The following MOB3A variants were observed in gnomAD, a reference collection of about 807,000 sequenced individuals.
The protein encoded by MOB3A is MOB LAK.
In MOB3A, 17 loss-of-function variants were observed where a neutral mutation model predicts 17.8. The observed-to-expected ratio is 0.95, with a 90% CI of 0.65 to 1.43. MOB3A has a LOEUF of 1.43. Ranked by LOEUF, MOB3A falls within the 40% of genes most tolerant of loss-of-function variation. The pLI is 0.00. For synonymous variants in MOB3A, 124 were observed against 133.2 expected (o/e 0.93, Z 0.48); for missense variants, 333 against 310.8 (o/e 1.07, Z -0.54).
chr19:2,090,319 T>C (rs1189013847), intron 1 of MOB3A: 1 of 152,256 alleles, frequency 6.6e-6, no homozygotes, highest in African/African-American at 2.4e-5. Context: ...TTCTTCTCAT[T>C]TGCCTCGTGG....
chr19:2,089,203 C>T (rs1293778721), intron 1 of MOB3A, among the ~76,000 whole-genome samples: 1 of 152,190 alleles, frequency 6.6e-6, no homozygotes, highest in African/African-American at 2.4e-5. Flanking sequence ...GACCTGCTCT[C>T]GTGAAACTCA....
intron 4 of MOB3A, among the ~76,000 whole-genome samples, 195 bp downstream of exon 4, chr19:2,076,616 T>C (rs538742005): frequency 9.2e-5 from 14 of 152,262 alleles, no homozygotes; most frequent in South Asian, 6.2e-4. Context: ...ATTTGTTCCG[T>C]GGGAGAACGC....
At chr19:2,077,127 G>A (rs540558693) in intron 3 of MOB3A, 114 bp from the exon 4 acceptor site, 9 of 910,682 alleles carry the variant, frequency 9.9e-6, no homozygotes, top group East Asian at 5.3e-5. Flanking sequence ...CAGATCGGGC[G>A]CGGTGGCTGA....
intron 1 of MOB3A, among the ~76,000 whole-genome samples, chr19:2,089,148 T>C (rs767893899): frequency 7.9e-5 from 12 of 152,156 alleles, no homozygotes; most frequent in Non-Finnish European, 1.6e-4. Context: ...GGTGGACCTT[T>C]GCTGTCATTA....
chr19:2,071,686 T>C lies in MOB3A; in HGVS notation c.*1709A>G, dbSNP rs571271517. ...TAGGGTACACAGAACTCATGGATTT[T>C]GGTCTCGCAGCCCCAGGGGCCACAC... On this transcript the variant is annotated 3_prime_UTR_variant, in exon 5 of 5. Transcript: ENST00000357066. The C allele has an allele frequency of 1.3e-5, 2 of 152,408 alleles. No individual in the cohort carries two copies. The highest frequency in any genetic ancestry group is 4.8e-5 in the African/African-American group (2 of 41,568). The allele number at this position is 152,408 out of a possible 1,614,324, so 9.4% of individuals were successfully genotyped here.
intron 2 of MOB3A, chr19:2,084,218 C>T (rs747591451): frequency 4.1e-5 from 19 of 462,728 alleles, no homozygotes; most frequent in South Asian, 1.1e-4. Context: ...GGGTGCCAGG[C>T]GAGGTGGCTC....
chr19:2,086,734 G>A (rs1417863523), intron 1 of MOB3A, among the ~76,000 whole-genome samples: 1 of 152,128 alleles, frequency 6.6e-6, no homozygotes, highest in African/African-American at 2.4e-5. Flanking sequence ...GGATGGCTGC[G>A]TCTTCCCTGA....
intron 2 of MOB3A, chr19:2,083,992 G>GAACTCCTGGTCTCA (rs1208862275): frequency 6.1e-6 from 2 of 327,026 alleles, no homozygotes; most frequent in Non-Finnish European, 1.3e-5. Context: ...GGCTGGTCTT[G>GAACTCCTGGTCTCA]AACTCCTGGT....
Position 2,078,673 on chromosome 19 carries a change from C to T in MOB3A, c.-113G>A, listed in dbSNP as rs1002273531. 1.9e-6 allele frequency: 2 copies of T among 1,079,064 alleles called. No individual in the cohort carries two copies. Among genetic ancestry groups the T allele is most frequent in the Non-Finnish European group, 2.6e-6 (2 of 761,424 alleles). 66.8% of individuals were successfully genotyped at this position (1,079,064 alleles called of 1,614,324 possible). A position where few individuals can be genotyped will look rare whatever the true frequency, so the allele number is the denominator to read the frequency against. On this transcript the variant is annotated 5_prime_UTR_variant, in exon 3 of 5. Coordinates refer to ENST00000357066, the MANE Select transcript of MOB3A (RefSeq NM_130807.3). Reference sequence around the variant, plus strand: ...CACTCACCAAGCCCCACAGCTCTCCCGCGGACCTGAAATACACAGGGGAAT... The same window carrying T: ...CACTCACCAAGCCCCACAGCTCTCCTGCGGACCTGAAATACACAGGGGAAT...
In MOB3A at chr19:2,078,360, G is replaced by C. The variant is rs745857478; in HGVS notation, c.201C>G (p.Asp67Glu). Residue 67 changes from aspartate to glutamate, a missense_variant, in exon 3 of 5, where the codon GAC becomes GAG. By Grantham distance (45) the Asp-to-Glu change is conservative. Coordinates refer to ENST00000357066, the MANE Select transcript of MOB3A (RefSeq NM_130807.3). ...LNDWVAVHVV[D>E]FFNRVNLIYG... ...AGATGAGGTTGACGCGGTTAAAGAA[G>C]TCCACCACGTGAACAGCCACCCAGT... The C allele has an allele frequency of 3.7e-6, 6 of 1,614,204 alleles. No homozygotes were observed. The highest frequency in any genetic ancestry group is 4.2e-6 in the Non-Finnish European group (5 of 1,180,030).
chr19:2,094,370 C>G (rs535248748), intron 1 of MOB3A, among the ~76,000 whole-genome samples: 3 of 152,198 alleles, frequency 2.0e-5, no homozygotes, highest in Non-Finnish European at 4.4e-5. Context: ...TCTGAAACAA[C>G]CAGCAAACCA....
Position 2,076,796 on chromosome 19 carries a change from C to T in MOB3A, c.624+15G>A. On this transcript the variant is annotated intron_variant, in intron 4 of 4. Coordinates refer to ENST00000357066, the MANE Select transcript of MOB3A (RefSeq NM_130807.3). ...CCCACCGTAACCGCACGCCCTCAGCCCCAAGCCCGCGCACCAGTGGCTCCA... is the reference window on the plus strand; with the variant it reads ...CCCACCGTAACCGCACGCCCTCAGCTCCAAGCCCGCGCACCAGTGGCTCCA... The T allele has an allele frequency of 3.1e-6, 5 of 1,612,552 alleles. No homozygotes were observed. Among genetic ancestry groups the T allele is most frequent in the Non-Finnish European group, 4.2e-6 (5 of 1,179,736 alleles).
chr19:2,085,792 GT>G (rs1568255694), intron 1 of MOB3A: 1 of 151,652 alleles, frequency 6.6e-6, no homozygotes. Context: ...GGTGAAACTC[GT>G]CTCTACTAAA....
chr19:2,090,380 C>G (rs977440214), intron 1 of MOB3A, among the ~76,000 whole-genome samples: 2 of 152,206 alleles, frequency 1.3e-5, no homozygotes, highest in Non-Finnish European at 2.9e-5. Context: ...CTGCCCCCTG[C>G]CCCCACAGGC....
At position 2,076,895 on chromosome 19, in the gene MOB3A, C is replaced by T. The variant is rs2017416837; in HGVS notation, c.540G>A (p.Glu180=). The part of the protein sequence containing the change: ...HFDRIAQMGS[E]AHVNTCYKHF... ...GCTTGTAGCAGGTGTTCACGTGGGCCTCGGAGCCCATCTGCGCGATGCGGT... is the reference window on the plus strand; with the variant it reads ...GCTTGTAGCAGGTGTTCACGTGGGCTTCGGAGCCCATCTGCGCGATGCGGT... The change falls in exon 4 of 5, where the codon GAG becomes GAA. Residue 180 remains glutamate (E), a synonymous_variant. Transcript: ENST00000357066. 1 of 1,613,976 alleles carries T rather than the reference C, an allele frequency of 6.2e-7. No homozygotes were observed. Among genetic ancestry groups the T allele is most frequent in the South Asian group, 1.1e-5 (1 of 91,088 alleles).
Position 2,082,124 on chromosome 19 carries a change from G to A in MOB3A, c.-120+3051C>T, listed in dbSNP as rs1462101783. Among the ~76,000 whole-genome samples, 1 of 152,204 alleles carries A rather than the reference G, an allele frequency of 6.6e-6. No homozygotes were observed. Among genetic ancestry groups the A allele is most frequent in the Non-Finnish European group, 1.5e-5 (1 of 68,034 alleles). ...CATCCTGGGGCCCTTAGCCACCATC[G>A]TCACTTCCTGCCACCAGGGTTAACA... On this transcript the variant is annotated intron_variant, in intron 2 of 4. Transcript: ENST00000357066. This position sits in a 1 kb window ranked among gnomAD's most constrained non-coding sequence, Gnocchi z 4.1.
intron 1 of MOB3A, 29 bp downstream of exon 1, chr19:2,096,197 G>A: frequency 6.5e-6 from 1 of 153,816 alleles, no homozygotes; most frequent in South Asian, 1.8e-4. Flanking sequence ...CGCCTCTGCC[G>A]CCCGCCTTCG....
chr19:2,079,613 G>A (rs568640188), intron 2 of MOB3A, among the ~76,000 whole-genome samples: 2 of 152,268 alleles, frequency 1.3e-5, no homozygotes, highest in South Asian at 4.1e-4. Flanking sequence ...ACCCAGCCCC[G>A]CCCACACCTT....
chr19:2,078,061 GGT>G, intron 3 of MOB3A, 77 bp downstream of exon 3: 1 of 1,391,798 alleles, frequency 7.2e-7, no homozygotes, highest in Non-Finnish European at 9.6e-7. Flanking sequence ...TGGCATTACG[GGT>G]GTGAGCCACT....
Sources: allele counts gnomAD v4.1 joint callset (sites outside exome capture counted in the v4.1 genomes callset), GRCh38; gene constraint gnomAD v4.1.1; non-coding constraint Gnocchi (gnomAD v3.1); transcripts MANE v1.5; gene names NCBI Gene and HGNC (gene_info 2026-07-23, HGNC 2026-07-21).